The following PFKP variants were observed in gnomAD, a reference collection of about 807,000 sequenced individuals.
PFKP encodes ATP-dependent 6-phosphofructokinase, platelet type.
PFKP carries 101 observed loss-of-function variants against 94.3 expected under a neutral mutation model. The observed-to-expected ratio is 1.07, with a 90% CI of 0.91 to 1.26. The LOEUF (loss-of-function observed/expected upper bound fraction) is 1.26. Ranked by LOEUF, PFKP falls within the 50% of genes most tolerant of loss-of-function variation. The pLI, the probability that PFKP is intolerant of heterozygous loss-of-function variation, is 0.00. For synonymous variants in PFKP, 573 were observed against 432.6 expected (o/e 1.32, Z -4.03); for missense variants, 1,145 against 1,103.3 (o/e 1.04, Z -0.53).
At chr10:3,104,338 G>A (rs531155642) in intron 5 of PFKP, among the ~76,000 whole-genome samples, 1 of 152,350 alleles carries the variant, frequency 6.6e-6, no homozygotes, top group South Asian at 2.1e-4. Context: ...AAGTGTCGTG[G>A]GGGCCACAGC....
intron 4 of PFKP, among the ~76,000 whole-genome samples, chr10:3,103,215 G>A (rs1211830510): frequency 6.6e-6 from 1 of 152,250 alleles, no homozygotes; most frequent in African/African-American, 2.4e-5. Flanking sequence ...TGCAAATGTG[G>A]ATCCTTTCTT....
At chr10:3,134,881 C>T (rs1839044695) in intron 20 of PFKP, among the ~76,000 whole-genome samples, 1 of 152,212 alleles carries the variant, frequency 6.6e-6, no homozygotes, top group African/African-American at 2.4e-5. Context: ...AATTTCCCCT[C>T]ACAGTTTAAG....
intron 2 of PFKP, among the ~76,000 whole-genome samples, chr10:3,082,803 G>T (rs1400898044): frequency 1.3e-5 from 2 of 152,100 alleles, no homozygotes; most frequent in African/African-American, 4.8e-5. Flanking sequence ...ACTGCAACCT[G>T]CTGGGTTCAA....
At chr10:3,068,997 G>A (rs1209426604) in intron 1 of PFKP, among the ~76,000 whole-genome samples, 2 of 151,368 alleles carry the variant, frequency 1.3e-5, no homozygotes, top group Non-Finnish European at 3.0e-5. Flanking sequence ...GGGCGGGCGC[G>A]GGTGCCGCAG....
Position 3,134,593 on chromosome 10 carries a change from T to TG in PFKP, c.2122+15dup, listed in dbSNP as rs1178436270. ...AGGCCCGGGGCAGAGGTAAGGGGTC[T>TG]GGGGAGGGAGGCCACAGCCTCGTGA... On this transcript the variant is annotated intron_variant, in intron 20 of 21. Transcript: ENST00000381125. 2 of 1,578,944 alleles carry TG rather than the reference T, an allele frequency of 1.3e-6. No homozygotes were observed. The highest frequency in any genetic ancestry group is 1.7e-6 in the Non-Finnish European group (2 of 1,148,518).
chr10:3,134,460 C>T (rs1354070229), intron 19 of PFKP, 23 bp from the exon 20 acceptor site: 14 of 1,369,964 alleles, frequency 1.0e-5, no homozygotes, highest in Non-Finnish European at 1.5e-5. Flanking sequence ...ACTGGTATTT[C>T]ATATAACTCT....
chr10:3,132,458 A>G lies in PFKP; in HGVS notation c.1910+17A>G, dbSNP rs1588576448. 6.3e-7 allele frequency: 1 copy of G among 1,578,610 alleles called. No homozygotes were observed. The highest frequency in any genetic ancestry group is 8.7e-7 in the Non-Finnish European group (1 of 1,147,836). On this transcript the variant is annotated intron_variant, in intron 18 of 21. Coordinates refer to ENST00000381125, the MANE Select transcript of PFKP (RefSeq NM_002627.5). Reference sequence around the variant, plus strand: ...TGTGCTCAGGTGAGAGAGAGAGACCAGGGGCTGATCTTACCCTCACCGCCA... The same window carrying G: ...TGTGCTCAGGTGAGAGAGAGAGACCGGGGGCTGATCTTACCCTCACCGCCA...
rs778285404 is a variant in PFKP at position 3,107,656 on chromosome 10, G to A, written c.870+347G>A. The A allele has an allele frequency of 2.2e-5, 17 of 787,358 alleles. No individual in the cohort carries two copies. The East Asian group carries it at 6.3e-4, about 29-fold the overall frequency. The allele number at this position is 787,358 out of a possible 1,614,324, so 48.8% of individuals were successfully genotyped here. A position where few individuals can be genotyped will look rare whatever the true frequency, so the allele number is the denominator to read the frequency against. ...AATGAGGACTGACCACTTGGCAGCCGACCCGGGCTTCTGTTTGCCACAGTG... is the reference window on the plus strand; with the variant it reads ...AATGAGGACTGACCACTTGGCAGCCAACCCGGGCTTCTGTTTGCCACAGTG... On this transcript the variant is annotated intron_variant, in intron 8 of 21. Transcript: ENST00000381125.
At chr10:3,068,689 G>A (rs1831931637) in intron 1 of PFKP, 1 of 984,710 alleles carries the variant, frequency 1.0e-6, no homozygotes, top group Non-Finnish European at 1.2e-6. Flanking sequence ...GGGTGCACGT[G>A]GGGGCGCCGG....
intron 1 of PFKP, among the ~76,000 whole-genome samples, chr10:3,076,667 T>C (rs1832623156): frequency 2.0e-5 from 3 of 152,246 alleles, no homozygotes; most frequent in Admixed American, 6.5e-5. Flanking sequence ...AACAAGCTCT[T>C]CCAGGGCCAG....
chr10:3,114,454 A>G (rs1209847631), intron 13 of PFKP, among the ~76,000 whole-genome samples: 1 of 152,140 alleles, frequency 6.6e-6, no homozygotes, highest in Non-Finnish European at 1.5e-5. Flanking sequence ...CCAGCCTCCT[A>G]CTTTGTGGAA....
intron 1 of PFKP, among the ~76,000 whole-genome samples, chr10:3,081,303 T>C (rs968626713): frequency 1.3e-5 from 2 of 152,242 alleles, no homozygotes; most frequent in African/African-American, 2.4e-5. Flanking sequence ...ACCGTCCAAG[T>C]GCACATAGCC....
In PFKP at chr10:3,099,364, G is replaced by C. The variant is rs368292526; in HGVS notation, c.264+12G>C. ...GCATCCTGCAAGTGGTAGGTACTGG[G>C]CTGCGTCCACAGGGTTCTCTGAGTT... On this transcript the variant is annotated intron_variant, in intron 3 of 21. Transcript: ENST00000381125. 2 of 1,608,302 alleles carry C rather than the reference G, an allele frequency of 1.2e-6. No homozygotes were observed. Among genetic ancestry groups the C allele is most frequent in the Non-Finnish European group, 1.7e-6 (2 of 1,174,854 alleles).
At chr10:3,091,775 G>C (rs1469117084) in intron 2 of PFKP, among the ~76,000 whole-genome samples, 5 of 152,102 alleles carry the variant, frequency 3.3e-5, no homozygotes, top group African/African-American at 1.2e-4. Flanking sequence ...GACAGAGCGA[G>C]ACTGTGTCAA....
chr10:3,103,957 G>C lies in PFKP; in HGVS notation c.620+13G>C. ...CCACGGCCCAGAGGTAAAGCGCTCA[G>C]AGGAACCGGCGGGAGGCCAGTGGGG... On this transcript the variant is annotated intron_variant, in intron 5 of 21. Transcript: ENST00000381125. The C allele has an allele frequency of 1.2e-6, 2 of 1,612,020 alleles. No homozygotes were observed. The highest frequency in any genetic ancestry group is 8.5e-7 in the Non-Finnish European group (1 of 1,179,414).
intron 1 of PFKP, among the ~76,000 whole-genome samples, chr10:3,070,532 C>T (rs1312804332): frequency 6.6e-6 from 1 of 152,116 alleles, no homozygotes; most frequent in East Asian, 1.9e-4. Context: ...ATCATAGCTA[C>T]CATTTGTTGA....
rs745994046 is a variant in PFKP at position 3,067,604 on chromosome 10, G to A, written c.9G>A (p.Ala3=). 4.6e-6 allele frequency: 7 copies of A among 1,522,276 alleles called. No individual in the cohort carries two copies. In the South Asian group the frequency reaches 8.5e-5, roughly 18 times the overall value. 94.3% of individuals were successfully genotyped at this position (1,522,276 alleles called of 1,614,324 possible). ...CCCTCGGCCTCCTCGCCATGGACGC[G>A]GACGACTCCCGGGCCCCCAAGGGCT... MD[A]DDSRAPKGSL... Residue 3 remains alanine (A), a synonymous_variant, in exon 1 of 22, where the codon GCG becomes GCA. Transcript: ENST00000381125.
intron 16 of PFKP, among the ~76,000 whole-genome samples, chr10:3,123,545 C>T (rs1837633526): frequency 6.6e-6 from 1 of 152,160 alleles, no homozygotes; most frequent in South Asian, 2.1e-4. Flanking sequence ...TCCTGTGTGC[C>T]TCAGGCCCCT....
chr10:3,071,915 C>G (rs775482487), intron 1 of PFKP, among the ~76,000 whole-genome samples: 56 of 152,234 alleles, frequency 3.7e-4, no homozygotes, highest in Non-Finnish European at 6.0e-4. Context: ...CAAGGGGCGC[C>G]TGAGTTGCAC....
Sources: gnomAD v4.1 joint callset for allele counts (sites outside exome capture counted in the v4.1 genomes callset) on GRCh38, gnomAD v4.1.1 for gene constraint, MANE v1.5 for transcripts, NCBI Gene and HGNC (gene_info 2026-07-23, HGNC 2026-07-21) for gene names.